The following ROBO1 variants were observed in gnomAD, a reference collection of about 807,000 sequenced individuals.
The protein encoded by ROBO1 is roundabout homolog 1.
Under a neutral mutation model 195.9 loss-of-function variants are expected in ROBO1, and 149 were observed. That is an observed-to-expected ratio of 0.76 (90% CI 0.67 to 0.87). The LOEUF (loss-of-function observed/expected upper bound fraction) is 0.87, where lower values mean the gene tolerates loss of function less well. Among genes scored for constraint, ROBO1 ranks in the 40% least tolerant of loss-of-function variants. The pLI, the probability that ROBO1 is intolerant of heterozygous loss-of-function variation, is 0.00. For missense variants in ROBO1, 1,933 were observed against 2,068.3 expected (o/e 0.93, Z 1.27); for synonymous variants, 816 against 733.2 (o/e 1.11, Z -1.82).
At chr3:79,764,511 A>G (rs1704879661) in intron 1 of ROBO1, among the ~76,000 whole-genome samples, 1 of 152,178 alleles carries the variant, frequency 6.6e-6, no homozygotes, top group African/African-American at 2.4e-5. Flanking sequence ...GGTGCATTGC[A>G]CCTGCTCATT....
intron 1 of ROBO1, among the ~76,000 whole-genome samples, chr3:79,668,190 T>G (rs1177253232): frequency 6.6e-6 from 1 of 151,870 alleles, no homozygotes; most frequent in Non-Finnish European, 1.5e-5. Context: ...CTTTTATGAT[T>G]AATATATTTT....
intron 4 of ROBO1, among the ~76,000 whole-genome samples, chr3:78,773,700 A>G (rs914212217): frequency 6.6e-6 from 1 of 152,188 alleles, no homozygotes; most frequent in Non-Finnish European, 1.5e-5. Context: ...CATGTGCTAG[A>G]CAATCCCCAA....
In ROBO1 at chr3:78,856,099, GA is replaced by G. The variant is rs745615603; in HGVS notation, c.499+82501del. Among the ~76,000 whole-genome samples, 6 of 149,878 alleles carry G rather than the reference GA, an allele frequency of 4.0e-5. No homozygotes were observed. The East Asian group carries it at 1.2e-3, about 29-fold the overall frequency. On this transcript the variant is annotated intron_variant, in intron 4 of 30. Coordinates refer to ENST00000464233, the MANE Select transcript of ROBO1 (RefSeq NM_002941.4). The stretch of plus-strand genomic sequence containing the variant: ...AGAGTAACAAATTACATTCTAAAAG[GA>G]AGATCTATTTCCTAAGTAATCTACA...
At chr3:79,162,980 T>C (rs1479782607) in intron 2 of ROBO1, among the ~76,000 whole-genome samples, 1 of 152,138 alleles carries the variant, frequency 6.6e-6, no homozygotes, top group Non-Finnish European at 1.5e-5. Context: ...TCTTGTTTTG[T>C]GGCCTCACTT....
chr3:79,125,351 G>C, intron 3 of ROBO1, 105 bp downstream of exon 3: 1 of 890,128 alleles, frequency 1.1e-6, no homozygotes. Context: ...GTGGTTGTTA[G>C]CTGGAAGCAG....
At chr3:79,650,284 A>G (rs551591725) in intron 1 of ROBO1, among the ~76,000 whole-genome samples, 1 of 151,910 alleles carries the variant, frequency 6.6e-6, no homozygotes, top group Non-Finnish European at 1.5e-5. Flanking sequence ...TATAGAATAT[A>G]ATTTAAAAAC....
chr3:78,941,581 G>A (rs748957038), intron 3 of ROBO1, among the ~76,000 whole-genome samples: 5 of 152,136 alleles, frequency 3.3e-5, no homozygotes, highest in Non-Finnish European at 5.9e-5. Flanking sequence ...ACAAAGAAGG[G>A]CCACCGAAGA....
chr3:79,189,718 TAAGAA>T (rs1355109665), intron 2 of ROBO1, among the ~76,000 whole-genome samples: 5 of 151,756 alleles, frequency 3.3e-5, no homozygotes, highest in Non-Finnish European at 7.4e-5. Context: ...AGGAGAATGA[TAAGAA>T]AAGTAATATA....
chr3:79,684,418 A>G (rs142069686), intron 1 of ROBO1, among the ~76,000 whole-genome samples: 1 of 151,564 alleles, frequency 6.6e-6, no homozygotes, highest in African/African-American at 2.4e-5. Flanking sequence ...TTCTTTACCT[A>G]TATTCTCTAG....
intron 28 of ROBO1, among the ~76,000 whole-genome samples, chr3:78,611,557 C>G (rs1346433821): frequency 6.6e-6 from 1 of 152,176 alleles, no homozygotes; most frequent in Non-Finnish European, 1.5e-5. Context: ...ATGCAGCACT[C>G]TCCTTTGCAT....
At chr3:78,800,924 G>T (rs1466827272) in intron 4 of ROBO1, among the ~76,000 whole-genome samples, 2 of 152,050 alleles carry the variant, frequency 1.3e-5, no homozygotes, top group Non-Finnish European at 2.9e-5. Context: ...TCTAATCAAG[G>T]AAATATAAAA....
chr3:78,685,982 G>T (rs976520039), intron 9 of ROBO1, 65 bp from the exon 10 acceptor site: 17 of 1,336,996 alleles, frequency 1.3e-5, no homozygotes, highest in Non-Finnish European at 1.7e-5. Flanking sequence ...CCAATATTTT[G>T]GCACTTATGC....
At chr3:78,805,775 A>G (rs2084519263) in intron 4 of ROBO1, among the ~76,000 whole-genome samples, 1 of 152,106 alleles carries the variant, frequency 6.6e-6, no homozygotes, top group Admixed American at 6.5e-5. Flanking sequence ...GCATATTTAG[A>G]TCTATTAGTT....
intron 4 of ROBO1, 68 bp downstream of exon 4, chr3:78,938,533 C>G: frequency 7.2e-7 from 1 of 1,393,650 alleles, no homozygotes; most frequent in Non-Finnish European, 9.7e-7. Context: ...CTTTTCATTG[C>G]CATGATCAAA....
chr3:79,500,873 T>C (rs984778361), intron 2 of ROBO1, among the ~76,000 whole-genome samples: 1 of 152,172 alleles, frequency 6.6e-6, no homozygotes, highest in South Asian at 2.1e-4. Context: ...AAAGGTGTGA[T>C]GTGAAATGTC....
At chr3:78,868,041 A>G (rs543446703) in intron 4 of ROBO1, among the ~76,000 whole-genome samples, 1 of 152,170 alleles carries the variant, frequency 6.6e-6, no homozygotes, top group East Asian at 1.9e-4. Context: ...ATGAATCATG[A>G]GTACAAAGAA....
At chr3:78,748,426 CAAATAAATAAATAAATAAAT>C (rs55873579) in intron 4 of ROBO1, among the ~76,000 whole-genome samples, 9,397 of 147,142 alleles carry the variant, frequency 0.064, 918 homozygotes, top group African/African-American at 0.21. Flanking sequence ...GCCTCTGTCT[CAAATAAATAAATAAATAAAT>C]AAATAAATAA....
At chr3:79,181,741 A>C (rs1351261957) in intron 2 of ROBO1, among the ~76,000 whole-genome samples, 7 of 152,044 alleles carry the variant, frequency 4.6e-5, no homozygotes, top group Non-Finnish European at 1.5e-5. Flanking sequence ...TTTAAGAGAC[A>C]TAGGGAGACC....
chr3:79,365,327 C>G (rs576335373), intron 2 of ROBO1, among the ~76,000 whole-genome samples: 1 of 152,138 alleles, frequency 6.6e-6, no homozygotes, highest in Non-Finnish European at 1.5e-5. Context: ...CACATCCGTA[C>G]CAATTCACAC....
Sources: allele counts gnomAD v4.1 joint callset (sites outside exome capture counted in the v4.1 genomes callset), GRCh38; gene constraint gnomAD v4.1.1; transcripts MANE v1.5; gene names NCBI Gene and HGNC (gene_info 2026-07-23, HGNC 2026-07-21).